The following CDK8 variants were observed in gnomAD, a reference collection of about 807,000 sequenced individuals.
CDK8 encodes cyclin-dependent kinase 8.
Under a neutral mutation model 71.5 loss-of-function variants are expected in CDK8, and 29 were observed. That is an observed-to-expected ratio of 0.41 (90% CI 0.30 to 0.55). The LOEUF (loss-of-function observed/expected upper bound fraction) is 0.55, where lower values mean the gene tolerates loss of function less well. Ranked by LOEUF, CDK8 falls within the 20% of genes least tolerant of loss-of-function variation. The pLI is 0.37. For missense variants in CDK8, 288 were observed against 572.6 expected (o/e 0.50, Z 5.07); for synonymous variants, 161 against 192.1 (o/e 0.84, Z 1.34).
At chr13:26,379,062 A>G (rs1470149695) in intron 4 of CDK8, among the ~76,000 whole-genome samples, 1 of 152,172 alleles carries the variant, frequency 6.6e-6, no homozygotes, top group Non-Finnish European at 1.5e-5. Context: ...TTACATTCAG[A>G]AAAGAAGAAA....
At chr13:26,290,578 C>T (rs1303645661) in intron 1 of CDK8, among the ~76,000 whole-genome samples, 1 of 152,130 alleles carries the variant, frequency 6.6e-6, no homozygotes, top group African/African-American at 2.4e-5. Context: ...TTTCAAACCC[C>T]ACACCCCTTT....
At chr13:26,291,595 T>C (rs889168876) in intron 1 of CDK8, among the ~76,000 whole-genome samples, 1 of 152,184 alleles carries the variant, frequency 6.6e-6, no homozygotes, top group Non-Finnish European at 1.5e-5. Context: ...TACCTCATGA[T>C]TTTTGATTAC....
chr13:26,325,706 G>A (rs1333371661), intron 1 of CDK8, among the ~76,000 whole-genome samples: 1 of 152,122 alleles, frequency 6.6e-6, no homozygotes, highest in Non-Finnish European at 1.5e-5. Flanking sequence ...AGTGAAGCAG[G>A]GCTGGGTTCT....
intron 1 of CDK8, among the ~76,000 whole-genome samples, chr13:26,287,221 C>CA (rs1412685397): frequency 3.9e-5 from 6 of 152,126 alleles, no homozygotes; most frequent in East Asian, 3.9e-4. Flanking sequence ...TTCACAGTTG[C>CA]AAAAAAATGG....
At position 26,349,469 on chromosome 13, in the gene CDK8, GTAAC is replaced by G. The variant is rs991374585; in HGVS notation, c.315+291_315+294del. Among the ~76,000 whole-genome samples, 32 of 152,172 alleles carry G rather than the reference GTAAC, an allele frequency of 2.1e-4. 1 individual carries two copies. The highest frequency in any genetic ancestry group is 1.4e-3 in the Admixed American group (22 of 15,290). On this transcript the variant is annotated intron_variant, in intron 3 of 12. Transcript: ENST00000381527. Reference sequence around the variant, plus strand: ...ATATAGTTTTTTGATAAAATAAAAAGTAACTAATATATATAAAATTTTGCTCTAA... The same window carrying G: ...ATATAGTTTTTTGATAAAATAAAAAGTAATATATATAAAATTTTGCTCTAA...
intron 1 of CDK8, among the ~76,000 whole-genome samples, chr13:26,260,256 C>T (rs551081572): frequency 5.3e-5 from 8 of 152,170 alleles, no homozygotes; most frequent in Admixed American, 1.3e-4. Flanking sequence ...CCATTGTACC[C>T]GTTGGACATG....
intron 1 of CDK8, among the ~76,000 whole-genome samples, chr13:26,256,692 A>T (rs1871539976): frequency 6.6e-6 from 1 of 152,200 alleles, no homozygotes; most frequent in South Asian, 2.1e-4. Flanking sequence ...AATATCTTTG[A>T]ATTTAAAGAT....
chr13:26,398,415 A>C lies in CDK8; in HGVS notation c.933+1190A>C, dbSNP rs1593313535. 2.6e-5 allele frequency among the ~76,000 whole-genome samples: 4 copies of C among 152,236 alleles called. No homozygotes were observed. In the South Asian group the frequency reaches 6.2e-4, roughly 24 times the overall value. ...ATAGTCTAGGATGACTCTGCCTACC[A>C]TCACCACTAAAACTCTAGAGATATA... is the stretch of plus-strand genomic sequence containing the variant. On this transcript the variant is annotated intron_variant, in intron 9 of 12. Transcript: ENST00000381527.
chr13:26,369,946 TTAAAA>T (rs1183444835), intron 4 of CDK8, among the ~76,000 whole-genome samples: 1 of 152,058 alleles, frequency 6.6e-6, no homozygotes, highest in Non-Finnish European at 1.5e-5. Flanking sequence ...AGTGAACATT[TTAAAA>T]TAAAGTACAA....
intron 4 of CDK8, among the ~76,000 whole-genome samples, chr13:26,365,232 T>C (rs558582634): frequency 6.6e-6 from 1 of 152,306 alleles, no homozygotes; most frequent in Non-Finnish European, 1.5e-5. Context: ...AGATTTGCAT[T>C]AATTTCAGTT....
intron 1 of CDK8, among the ~76,000 whole-genome samples, chr13:26,301,389 TGTG>T (rs1873818993): frequency 6.6e-6 from 1 of 152,200 alleles, no homozygotes; most frequent in Admixed American, 6.5e-5. Flanking sequence ...CAAAATTTAA[TGTG>T]GTAATTAATT....
chr13:26,402,914 CTT>C (rs1876330721), intron 12 of CDK8, among the ~76,000 whole-genome samples: 1 of 152,118 alleles, frequency 6.6e-6, no homozygotes, highest in Admixed American at 6.5e-5. Context: ...TGTGTCCACT[CTT>C]TTTAAAAATG....
chr13:26,346,411 T>A (rs1363411555), intron 2 of CDK8, among the ~76,000 whole-genome samples: 1 of 152,224 alleles, frequency 6.6e-6, no homozygotes, highest in Non-Finnish European at 1.5e-5. Flanking sequence ...ATTGTGGAGC[T>A]CTTTTGCCAA....
At chr13:26,323,239 G>C (rs1371337177) in intron 1 of CDK8, among the ~76,000 whole-genome samples, 1 of 151,908 alleles carries the variant, frequency 6.6e-6, no homozygotes, top group Non-Finnish European at 1.5e-5. Context: ...GATTCCTGGT[G>C]AGGGCTATCT....
chr13:26,283,307 C>G (rs1872844185), intron 1 of CDK8, among the ~76,000 whole-genome samples: 1 of 152,232 alleles, frequency 6.6e-6, no homozygotes, highest in Admixed American at 6.5e-5. Context: ...TGAAACAGGT[C>G]TCAATAAATG....
intron 3 of CDK8, among the ~76,000 whole-genome samples, chr13:26,350,914 A>G (rs925005747): frequency 6.6e-6 from 1 of 152,170 alleles, no homozygotes; most frequent in Non-Finnish European, 1.5e-5. Context: ...TAAGGTAACT[A>G]TAAAATTTGC....
At chr13:26,333,751 A>G (rs976189409) in intron 1 of CDK8, among the ~76,000 whole-genome samples, 6 of 152,186 alleles carry the variant, frequency 3.9e-5, no homozygotes, top group African/African-American at 1.4e-4. Flanking sequence ...TATATGGGCA[A>G]ATATTCCACA....
intron 5 of CDK8, among the ~76,000 whole-genome samples, chr13:26,384,797 T>C (rs1461668267): frequency 6.6e-6 from 1 of 152,230 alleles, no homozygotes; most frequent in Non-Finnish European, 1.5e-5. Context: ...TCTGATTAAT[T>C]ATACCAGTGA....
chr13:26,347,368 T>TATGATA (rs1873502256), intron 2 of CDK8, among the ~76,000 whole-genome samples: 1 of 152,186 alleles, frequency 6.6e-6, no homozygotes, highest in African/African-American at 2.4e-5. Flanking sequence ...TTAATTTTCA[T>TATGATA]ATGATAATTG....
Sources: allele counts gnomAD v4.1 joint callset (sites outside exome capture counted in the v4.1 genomes callset), GRCh38; gene constraint gnomAD v4.1.1; transcripts MANE v1.5; gene names NCBI Gene and HGNC (gene_info 2026-07-23, HGNC 2026-07-21).